The following USH2A variants were observed in gnomAD, a reference collection of about 807,000 sequenced individuals.
USH2A encodes Usher syndrome 2A (autosomal recessive, mild).
A neutral mutation model predicts 538.9 loss-of-function variants in USH2A; 443 were observed. The ratio of observed to expected loss-of-function variants is 0.82; its 90% confidence interval spans 0.76 to 0.89. The LOEUF is 0.89. USH2A is among the 40% of genes least tolerant of loss of function. The probability of loss-of-function intolerance (pLI) is 0.00; values close to 1 mark genes in which losing one functional copy is unlikely to be tolerated. For synonymous variants in USH2A, 2,413 were observed against 2,273.5 expected (o/e 1.06, Z -1.75); for missense variants, 6,633 against 6,324.8 (o/e 1.05, Z -1.65).
At chr1:216,129,330 T>G (rs1019201892) in intron 21 of USH2A, among the ~76,000 whole-genome samples, 14 of 152,090 alleles carry the variant, frequency 9.2e-5, no homozygotes, top group African/African-American at 3.4e-4. Context: ...ACTTCTGCAC[T>G]GTTCTTCGTA....
chr1:215,743,386 A>ATATATATATGTG (rs878870284), intron 58 of USH2A, 51 bp from the exon 59 acceptor site: 39 of 328,526 alleles, frequency 1.2e-4, no homozygotes, highest in Non-Finnish European at 1.7e-4. Flanking sequence ...ATATATATAT[A>ATATATATATGTG]TGTGTGTGTG....
At chr1:216,241,547 T>A (rs1363447838) in intron 13 of USH2A, among the ~76,000 whole-genome samples, 1 of 152,066 alleles carries the variant, frequency 6.6e-6, no homozygotes, top group Admixed American at 6.6e-5. Flanking sequence ...TGTTTTTTTT[T>A]TTTTGAGACG....
rs535555550 is a variant in USH2A, at chr1:216,235,029, C to T, written c.2810-2893G>A. On this transcript the variant is annotated intron_variant, in intron 13 of 71. Transcript: ENST00000307340. ...TAATCCCACCAGTATTTTAGCTGTC[C>T]TATTTTTAAGCAGTTCTAATTAGGA... is the stretch of plus-strand genomic sequence containing the variant. Among the ~76,000 whole-genome samples, 28 of 152,248 alleles carry T rather than the reference C, an allele frequency of 1.8e-4. No homozygotes were observed. In the South Asian group the frequency reaches 2.3e-3, roughly 12 times the overall value.
chr1:216,197,188 C>T (rs2102461722), intron 18 of USH2A, among the ~76,000 whole-genome samples: 1 of 152,218 alleles, frequency 6.6e-6, no homozygotes, highest in Admixed American at 6.5e-5. Context: ...AAACCTAAAG[C>T]ATTCTAAATA....
At chr1:216,003,137 G>A (rs1452035035) in intron 32 of USH2A, among the ~76,000 whole-genome samples, 4 of 152,116 alleles carry the variant, frequency 2.6e-5, no homozygotes, top group Admixed American at 1.3e-4. Flanking sequence ...GGGCGGTCAG[G>A]ATGGGAAGTG....
chr1:215,760,983 T>A (rs73088890), intron 56 of USH2A, among the ~76,000 whole-genome samples: 6,695 of 152,242 alleles, frequency 0.044, 293 homozygotes, highest in African/African-American at 0.11. Context: ...TATAATATAA[T>A]CCCAATTTCT....
At chr1:215,992,729 G>A (rs1186785504) in intron 35 of USH2A, among the ~76,000 whole-genome samples, 1 of 151,946 alleles carries the variant, frequency 6.6e-6, no homozygotes, top group Non-Finnish European at 1.5e-5. Context: ...CTCTCACTAC[G>A]GCATTCTTTG....
chr1:215,679,910 G>C (rs1051347927), intron 62 of USH2A, among the ~76,000 whole-genome samples: 3 of 152,204 alleles, frequency 2.0e-5, no homozygotes, highest in Non-Finnish European at 2.9e-5. Context: ...TAGTAGGGTT[G>C]ATGTGAGGAT....
At chr1:215,709,795 G>A (rs1001821099) in intron 61 of USH2A, among the ~76,000 whole-genome samples, 4 of 152,154 alleles carry the variant, frequency 2.6e-5, no homozygotes, top group African/African-American at 9.7e-5. Context: ...TATAAAATGT[G>A]TATGTCACAA....
chr1:216,398,856 T>C (rs1208178754), intron 3 of USH2A, among the ~76,000 whole-genome samples: 1 of 152,102 alleles, frequency 6.6e-6, no homozygotes, highest in Admixed American at 6.5e-5. Flanking sequence ...TAGGTAGGGG[T>C]GGTTTTGATG....
chr1:215,824,498 G>T (rs570839603), intron 47 of USH2A, among the ~76,000 whole-genome samples: 1 of 152,180 alleles, frequency 6.6e-6, no homozygotes, highest in South Asian at 2.1e-4. Flanking sequence ...GGATATCCTG[G>T]TAGTGTGAGG....
chr1:216,295,761 C>T (rs2037091443), intron 9 of USH2A, among the ~76,000 whole-genome samples: 1 of 151,960 alleles, frequency 6.6e-6, no homozygotes, highest in Non-Finnish European at 1.5e-5. Flanking sequence ...AGTAATGTCT[C>T]TCTGTTTATC....
At chr1:215,830,108 T>C (rs562421389) in intron 47 of USH2A, among the ~76,000 whole-genome samples, 1 of 152,282 alleles carries the variant, frequency 6.6e-6, no homozygotes, top group East Asian at 1.9e-4. Context: ...TTTCCCATTT[T>C]TTTTCCCCCT....
At chr1:215,967,522 A>T (rs191528199) in intron 36 of USH2A, among the ~76,000 whole-genome samples, 1 of 152,258 alleles carries the variant, frequency 6.6e-6, no homozygotes, top group Non-Finnish European at 1.5e-5. Context: ...TGTGTAAGTT[A>T]TATTTAATTT....
intron 26 of USH2A, among the ~76,000 whole-genome samples, chr1:216,082,563 C>T (rs1049774970): frequency 6.6e-6 from 1 of 151,476 alleles, no homozygotes; most frequent in African/African-American, 2.4e-5. Flanking sequence ...GTAAGATGTT[C>T]ATATTTTTCT....
chr1:215,795,795 T>G (rs1343954216), intron 50 of USH2A, among the ~76,000 whole-genome samples: 2 of 152,198 alleles, frequency 1.3e-5, no homozygotes, highest in Admixed American at 6.5e-5. Context: ...GACGTTACTA[T>G]GACTTTAAGC....
intron 20 of USH2A, among the ~76,000 whole-genome samples, chr1:216,183,634 G>A (rs1019659890): frequency 5.3e-5 from 8 of 151,906 alleles, no homozygotes; most frequent in Non-Finnish European, 7.4e-5. Flanking sequence ...AAGTCTGCAT[G>A]ATTTGTGTCT....
intron 40 of USH2A, among the ~76,000 whole-genome samples, chr1:215,896,324 G>A (rs1665338875): frequency 6.6e-6 from 1 of 151,394 alleles, no homozygotes; most frequent in African/African-American, 2.4e-5. Context: ...TTGAGGGTAG[G>A]GAAGTGATTT....
At chr1:216,210,210 G>A (rs766868815) in intron 15 of USH2A, among the ~76,000 whole-genome samples, 2 of 151,742 alleles carry the variant, frequency 1.3e-5, no homozygotes, top group Non-Finnish European at 2.9e-5. Context: ...TGTGTTGAAG[G>A]CCAAAAGAAT....
Sources: allele counts gnomAD v4.1 joint callset (sites outside exome capture counted in the v4.1 genomes callset), GRCh38; gene constraint gnomAD v4.1.1; transcripts MANE v1.5; gene names NCBI Gene and HGNC (gene_info 2026-07-23, HGNC 2026-07-21).